TPX2: variants seen among roughly 807,000 people sequenced by gnomAD.
TPX2 encodes TPX2 microtubule nucleation factor.
In TPX2, 21 loss-of-function variants were observed where a neutral mutation model predicts 93.6. That is an observed-to-expected ratio of 0.22 (90% CI 0.16 to 0.32). The LOEUF (loss-of-function observed/expected upper bound fraction) is 0.32, where lower values mean the gene tolerates loss of function less well. Ranked by LOEUF, TPX2 falls within the 10% of genes least tolerant of loss-of-function variation. The pLI, the probability that TPX2 is intolerant of heterozygous loss-of-function variation, is 1.00. For synonymous variants in TPX2, 281 were observed against 298.3 expected (o/e 0.94, Z 0.60); for missense variants, 776 against 871.1 (o/e 0.89, Z 1.37).
At chr20:31,793,554 A>G (rs925564273) in intron 13 of TPX2, among the ~76,000 whole-genome samples, 2 of 152,192 alleles carry the variant, frequency 1.3e-5, no homozygotes, top group African/African-American at 4.8e-5. Flanking sequence ...ACTAAGGTAT[A>G]TGCTTGGTTG....
At chr20:31,756,741 A>G (rs1482387946) in intron 2 of TPX2, among the ~76,000 whole-genome samples, 1 of 151,860 alleles carries the variant, frequency 6.6e-6, no homozygotes, top group Non-Finnish European at 1.5e-5. Context: ...CTCCTGCCTC[A>G]CCCTCCCGAG....
At chr20:31,782,427 C>G in intron 11 of TPX2, 37 bp downstream of exon 11, 1 of 1,569,388 alleles carries the variant, frequency 6.4e-7, no homozygotes, top group Non-Finnish European at 8.6e-7. Context: ...AAGAGTTCCA[C>G]GAACCTGCCT....
chr20:31,780,894 GTTAT>G (rs138213787), intron 10 of TPX2: 185 of 380,542 alleles, frequency 4.9e-4, no homozygotes, highest in Middle Eastern at 8.5e-4. Flanking sequence ...GTCTTCTTTT[GTTAT>G]TTATTTATTT....
chr20:31,801,201 C>T lies in TPX2; in HGVS notation c.*121C>T, dbSNP rs955016486. On this transcript the variant is annotated 3_prime_UTR_variant, in exon 18 of 18. Transcript: ENST00000300403. ...CCCATTTCTCCAGACTTTTACCTAC[C>T]CGTGCCTGAGAAAGCATACTTGACA... The T allele has an allele frequency of 2.5e-6, 2 of 804,564 alleles. No homozygotes were observed. The highest frequency in any genetic ancestry group is 4.0e-6 in the Non-Finnish European group (2 of 495,458). 49.8% of individuals were successfully genotyped at this position (804,564 alleles called of 1,614,324 possible). A position where few individuals can be genotyped will look rare whatever the true frequency, so the allele number is the denominator to read the frequency against.
At position 31,766,559 on chromosome 20, in the gene TPX2, A is replaced by T; in HGVS notation, c.233A>T (p.Asp78Val). Residue 78 changes from aspartate (D) to valine (V), a missense_variant, in exon 5 of 18, where the codon GAC (aspartate) becomes GTC (valine). Coordinates refer to ENST00000300403, the MANE Select transcript of TPX2 (RefSeq NM_012112.5). ...ACTAGCTTTTGGTCTTCCGCAGTTG[A>T]CAACACTTACTACAAAGAGGCAGAA... The part of the protein sequence containing the change: ...QAIVTPLKPV[D>V]NTYYKEAEKE... 6.8e-6 allele frequency: 11 copies of T among 1,611,900 alleles called. No homozygotes were observed. Among genetic ancestry groups the T allele is most frequent in the Non-Finnish European group, 8.5e-6 (10 of 1,179,320 alleles).
At chr20:31,779,764 A>T (rs1050388775) in intron 10 of TPX2, among the ~76,000 whole-genome samples, 2 of 152,228 alleles carry the variant, frequency 1.3e-5, no homozygotes, top group African/African-American at 4.8e-5. Flanking sequence ...TATTGGAGGG[A>T]TACTTAGCAC....
chr20:31,774,707 C>T (rs1046705002), intron 7 of TPX2, among the ~76,000 whole-genome samples: 4 of 152,176 alleles, frequency 2.6e-5, no homozygotes, highest in Admixed American at 6.5e-5. Context: ...TTTCTTCCTT[C>T]TGTTACATGT....
intron 2 of TPX2, among the ~76,000 whole-genome samples, chr20:31,754,657 T>C (rs1191821040): frequency 2.6e-5 from 4 of 152,156 alleles, no homozygotes; most frequent in Non-Finnish European, 4.4e-5. Context: ...CAGTTCCACC[T>C]CTTAAGATTT....
intron 4 of TPX2, among the ~76,000 whole-genome samples, chr20:31,762,567 C>G (rs2061896731): frequency 6.6e-6 from 1 of 152,080 alleles, no homozygotes; most frequent in Non-Finnish European, 1.5e-5. Context: ...TCAGGCTGGT[C>G]TTGAACTCCT....
chr20:31,785,623 G>A (rs904084270), intron 12 of TPX2, among the ~76,000 whole-genome samples: 4 of 151,632 alleles, frequency 2.6e-5, no homozygotes, highest in African/African-American at 9.7e-5. Context: ...TTAGCCTCCC[G>A]AGTAGTTGGG....
intron 2 of TPX2, among the ~76,000 whole-genome samples, chr20:31,747,986 G>A (rs910543595): frequency 5.3e-5 from 8 of 152,010 alleles, no homozygotes; most frequent in Middle Eastern, 3.4e-3. Context: ...AGGTAGTGTC[G>A]TGAAACCGAA....
At chr20:31,798,167 G>A (rs929026157) in intron 16 of TPX2, among the ~76,000 whole-genome samples, 198 bp from the exon 17 acceptor site, 12 of 152,260 alleles carry the variant, frequency 7.9e-5, no homozygotes, top group Admixed American at 2.6e-4. Flanking sequence ...TACACCAGAC[G>A]ATTTCCAGGG....
At chr20:31,747,221 A>G (rs1441716608) in intron 2 of TPX2, among the ~76,000 whole-genome samples, 1 of 152,140 alleles carries the variant, frequency 6.6e-6, no homozygotes, top group Non-Finnish European at 1.5e-5. Flanking sequence ...CCTGGGTTCA[A>G]GCTATTTTCC....
chr20:31,766,517 T>C, intron 4 of TPX2, 39 bp from the exon 5 acceptor site: 1 of 1,577,696 alleles, frequency 6.3e-7, no homozygotes. Flanking sequence ...ATTATTTTCC[T>C]TGGCCTTTGA....
At chr20:31,757,354 A>G (rs1019534441) in intron 2 of TPX2, 53 bp from the exon 3 acceptor site, 4 of 781,358 alleles carry the variant, frequency 5.1e-6, no homozygotes, top group African/African-American at 3.6e-5. Flanking sequence ...TAGTAAAACC[A>G]AAGTAATGAT....
At position 31,750,535 on chromosome 20, in the gene TPX2, G is replaced by A. The variant is rs534080298; in HGVS notation, c.-70-6872G>A. 3.3e-5 allele frequency among the ~76,000 whole-genome samples: 5 copies of A among 150,618 alleles called. No homozygotes were observed. The East Asian group carries it at 9.8e-4, about 30-fold the overall frequency. ...CACTGGAGTGCAGTGGCATGATCTC[G>A]GCTCACTGCAACCTCTGCCTCCTGC... On this transcript the variant is annotated intron_variant, in intron 2 of 17. Coordinates refer to ENST00000300403, the MANE Select transcript of TPX2 (RefSeq NM_012112.5).
At chr20:31,763,505 G>A (rs1433218716) in intron 4 of TPX2, among the ~76,000 whole-genome samples, 2 of 151,950 alleles carry the variant, frequency 1.3e-5, no homozygotes, top group Non-Finnish European at 2.9e-5. Context: ...TATGGCTGTT[G>A]TATTCTTACT....
intron 10 of TPX2, among the ~76,000 whole-genome samples, chr20:31,780,049 T>C (rs1433451690): frequency 6.6e-6 from 1 of 152,224 alleles, no homozygotes; most frequent in Non-Finnish European, 1.5e-5. Flanking sequence ...TATCCTTGCA[T>C]AGGCATTTTT....
chr20:31,786,721 A>C (rs2062069652), intron 12 of TPX2, among the ~76,000 whole-genome samples: 1 of 152,190 alleles, frequency 6.6e-6, no homozygotes. Context: ...ATTTTTGAAA[A>C]CACTGATTAG....
Sources: gnomAD v4.1 joint callset for allele counts (sites outside exome capture counted in the v4.1 genomes callset) on GRCh38, gnomAD v4.1.1 for gene constraint, MANE v1.5 for transcripts, NCBI Gene and HGNC (gene_info 2026-07-23, HGNC 2026-07-21) for gene names.